Variants in DYNC2LI1 observed in about 807,000 individuals in gnomAD.
DYNC2LI1 encodes cytoplasmic dynein 2 light intermediate chain 1.
A neutral mutation model predicts 51.9 loss-of-function variants in DYNC2LI1; 45 were observed. The observed-to-expected ratio is 0.87, with a 90% CI of 0.68 to 1.11. The LOEUF is 1.11. Among genes scored for constraint, DYNC2LI1 ranks in the 50% most tolerant of loss-of-function variants. DYNC2LI1 has a pLI of 0.00. For synonymous variants in DYNC2LI1, 130 were observed against 137.8 expected, an observed-to-expected ratio of 0.94 and a Z score of 0.40; for missense variants, 490 against 417.4, an observed-to-expected ratio of 1.17 and a Z score of -1.51.
At chr2:43,802,237 G>T (rs1666099128) in intron 10 of DYNC2LI1, among the ~76,000 whole-genome samples, 1 of 152,098 alleles carries the variant, frequency 6.6e-6, no homozygotes, top group Non-Finnish European at 1.5e-5. Context: ...TGAATCAAAA[G>T]GAAGTTTAAG....
the DYNC2LI1 span, chr2:43,822,940 G>A: frequency 1.2e-6 from 2 of 1,613,716 alleles, no homozygotes; most frequent in African/African-American, 1.3e-5. Flanking sequence ...CGGGAACTGG[G>A]GATGGAAGGC....
chr2:43,792,620 C>T, intron 5 of DYNC2LI1: 2 of 1,487,046 alleles, frequency 1.3e-6, no homozygotes, highest in South Asian at 1.4e-5. Context: ...TTTTGATCTT[C>T]TCAAACTGAA....
intron 2 of DYNC2LI1, among the ~76,000 whole-genome samples, chr2:43,778,292 AC>A (rs1257998664): frequency 6.6e-6 from 1 of 152,082 alleles, no homozygotes; most frequent in Non-Finnish European, 1.5e-5. Context: ...AGCTGGGATT[AC>A]AGGCATGCGC....
intron 4 of DYNC2LI1, among the ~76,000 whole-genome samples, chr2:43,787,481 C>G (rs900082158): frequency 2.6e-5 from 4 of 152,072 alleles, no homozygotes; most frequent in Admixed American, 6.6e-5. Context: ...GAATAAGATA[C>G]CTTTTTAACT....
At chr2:43,805,347 G>T (rs1425908418) in intron 12 of DYNC2LI1, 101 bp downstream of exon 12, 2 of 636,846 alleles carry the variant, frequency 3.1e-6, no homozygotes, top group Non-Finnish European at 5.5e-6. Flanking sequence ...TTTACTTAGA[G>T]TATCTTCTTT....
the DYNC2LI1 span, chr2:43,822,477 G>GC: frequency 5.1e-3 from 1,769 of 349,218 alleles, 33 homozygotes; most frequent in East Asian, 0.033. Context: ...CCCTCCCCCA[G>GC]GCCCCCCCCC....
the DYNC2LI1 span, chr2:43,824,932 G>A: frequency 1.8e-5 from 29 of 1,613,990 alleles, no homozygotes; most frequent in East Asian, 4.5e-5. Flanking sequence ...AAGGGTAACC[G>A]CAGTCATTGA....
chr2:43,813,125 A>T, downstream of DYNC2LI1: 1 of 1,226,330 alleles, frequency 8.2e-7, no homozygotes, highest in Non-Finnish European at 1.2e-6. Flanking sequence ...ACTACCTGCT[A>T]ATGAGATGAT....
At chr2:43,821,862 C>T in the DYNC2LI1 span, among the ~76,000 whole-genome samples, 1 of 151,912 alleles carries the variant, frequency 6.6e-6, no homozygotes, top group African/African-American at 2.4e-5. Flanking sequence ...CTCTATTTTT[C>T]ATTCTCTCTC....
At chr2:43,826,261 A>T in the DYNC2LI1 span, 10 of 1,486,458 alleles carry the variant, frequency 6.7e-6, no homozygotes, top group Non-Finnish European at 9.2e-6. Flanking sequence ...CAGCCTCCCA[A>T]AGTGCTGGAA....
At chr2:43,787,534 GTC>G (rs1430767683) in intron 4 of DYNC2LI1, among the ~76,000 whole-genome samples, 1 of 152,012 alleles carries the variant, frequency 6.6e-6, no homozygotes, top group East Asian at 1.9e-4. Context: ...GTTATTTTCT[GTC>G]TCTCAAAAAA....
chr2:43,785,911 A>C (rs184456262), intron 3 of DYNC2LI1, among the ~76,000 whole-genome samples: 272 of 150,148 alleles, frequency 1.8e-3, no homozygotes, highest in African/African-American at 6.5e-3. Context: ...CAACGTGAAT[A>C]AATTTAATAC....
chr2:43,792,347 CATATT>C (rs1237853723), intron 5 of DYNC2LI1, among the ~76,000 whole-genome samples: 7 of 152,192 alleles, frequency 4.6e-5, no homozygotes, highest in East Asian at 1.9e-4. Flanking sequence ...AATTAAATAA[CATATT>C]ATAATTTTGT....
At chr2:43,815,345 A>C in the DYNC2LI1 span, among the ~76,000 whole-genome samples, 2 of 152,226 alleles carry the variant, frequency 1.3e-5, no homozygotes, top group African/African-American at 4.8e-5. Flanking sequence ...TGAGAACTTC[A>C]AAAGATGTAT....
chr2:43,828,126 C>T, the DYNC2LI1 span: 3 of 1,613,822 alleles, frequency 1.9e-6, no homozygotes, highest in Non-Finnish European at 2.5e-6. Flanking sequence ...CTGCAGGAGA[C>T]ACAAATTACA....
chr2:43,794,466 T>G lies in DYNC2LI1; in HGVS notation c.330T>G (p.Ser110=). The part of the protein sequence containing the change: ...PITGDTLRTF[S]LVLVLDLSKP... ...GTTTTTATTTCTTTAGGACGTTTTCTCTTGTTCTCGTTCTGGATCTTTCAA... is the reference window on the plus strand; with the variant it reads ...GTTTTTATTTCTTTAGGACGTTTTCGCTTGTTCTCGTTCTGGATCTTTCAA... The change falls in exon 6 of 13, where the codon TCT becomes TCG. Residue 110 remains serine, a synonymous_variant. Transcript: ENST00000260605. 1 of 1,608,952 alleles carries G rather than the reference T, an allele frequency of 6.2e-7. No individual in the cohort carries two copies. The highest frequency in any genetic ancestry group is 1.1e-5 in the South Asian group (1 of 90,378).
At chr2:43,803,256 AC>A (rs1666133363) in intron 10 of DYNC2LI1, among the ~76,000 whole-genome samples, 1 of 152,194 alleles carries the variant, frequency 6.6e-6, no homozygotes, top group South Asian at 2.1e-4. Context: ...AGTAGTCAAA[AC>A]CTAGAAACAG....
the DYNC2LI1 span, chr2:43,824,432 A>T: frequency 6.2e-7 from 1 of 1,613,730 alleles, no homozygotes; most frequent in Non-Finnish European, 8.5e-7. Context: ...CGTCAGGTCC[A>T]CTAAAAGTTT....
At chr2:43,796,836 C>G in intron 8 of DYNC2LI1, 41 bp downstream of exon 8, 4 of 1,537,122 alleles carry the variant, frequency 2.6e-6, no homozygotes, top group Non-Finnish European at 2.7e-6. Flanking sequence ...ATGGACAGTA[C>G]CAAATTTGGG....
Sources: allele counts gnomAD v4.1 joint callset (sites outside exome capture counted in the v4.1 genomes callset), GRCh38; gene constraint gnomAD v4.1.1; transcripts MANE v1.5; gene names NCBI Gene and HGNC (gene_info 2026-07-23, HGNC 2026-07-21).